PRKCZ: variants seen among roughly 807,000 people sequenced by gnomAD.
PRKCZ encodes protein kinase C zeta type.
PRKCZ carries 33 observed loss-of-function variants against 79.5 expected under a neutral mutation model. That is an observed-to-expected ratio of 0.41 (90% CI 0.31 to 0.55). The LOEUF (loss-of-function observed/expected upper bound fraction) is 0.55, where lower values mean the gene tolerates loss of function less well. PRKCZ is among the 20% of genes least tolerant of loss of function. PRKCZ has a pLI of 0.19. For synonymous variants in PRKCZ, 342 were observed against 320.9 expected (o/e 1.07, Z -0.70); for missense variants, 578 against 813.5 (o/e 0.71, Z 3.52).
intron 6 of PRKCZ, chr1:2,144,814 C>T (rs544271058): frequency 4.4e-4 from 94 of 211,840 alleles, no homozygotes; most frequent in African/African-American, 2.1e-3. Flanking sequence ...AGTGCTTGGA[C>T]TTGAAGCATC....
At chr1:2,099,193 C>T (rs192653946) in intron 4 of PRKCZ, among the ~76,000 whole-genome samples, 93 of 152,276 alleles carry the variant, frequency 6.1e-4, no homozygotes, top group Non-Finnish European at 7.3e-4. Flanking sequence ...TCCAGGGCCA[C>T]GGACACCCCC....
At chr1:2,107,481 A>G (rs956087202) in intron 4 of PRKCZ, among the ~76,000 whole-genome samples, 3 of 152,124 alleles carry the variant, frequency 2.0e-5, no homozygotes, top group African/African-American at 7.2e-5. Context: ...TCAACTACAG[A>G]TGGAGCTGCG....
chr1:2,127,695 G>A lies in PRKCZ; in HGVS notation c.335-7567G>A, dbSNP rs1212180044. Among the ~76,000 whole-genome samples, 2 of 152,244 alleles carry A rather than the reference G, an allele frequency of 1.3e-5. No individual in the cohort carries two copies. Among genetic ancestry groups the A allele is most frequent in the South Asian group, 2.1e-4 (1 of 4,832 alleles). ...GGCAAATAGGCGAACGGCGTCTCCC[G>A]CGGCTCCCGGTGGCTTTTTAGGACT... is the stretch of plus-strand genomic sequence containing the variant. On this transcript the variant is annotated intron_variant, in intron 4 of 17. Transcript: ENST00000378567. The surrounding 1 kb of genome is among the most constrained non-coding windows in gnomAD (Gnocchi z 5.1).
chr1:2,089,490 C>T (rs966776499), intron 4 of PRKCZ, among the ~76,000 whole-genome samples: 1 of 152,168 alleles, frequency 6.6e-6, no homozygotes, highest in Non-Finnish European at 1.5e-5. Flanking sequence ...CGGGGAAGTC[C>T]AGGCAAGGTA....
In PRKCZ at chr1:2,181,615, C is replaced by T. The variant is rs190183331; in HGVS notation, c.1576-2968C>T. 1.3e-3 allele frequency among the ~76,000 whole-genome samples: 198 copies of T among 152,230 alleles called. 2 individuals carry two copies. Among genetic ancestry groups the T allele is most frequent in the South Asian group, 5.6e-3 (27 of 4,826 alleles). On this transcript the variant is annotated intron_variant, in intron 16 of 17. Transcript: ENST00000378567. The stretch of plus-strand genomic sequence containing the variant: ...GCTTTTGAGCAAGAGGAGGAGGTAA[C>T]GCTGGCCCCTGGGGATGCTGTCAGG...
At chr1:2,116,515 C>T (rs991762252) in intron 4 of PRKCZ, among the ~76,000 whole-genome samples, 4 of 152,098 alleles carry the variant, frequency 2.6e-5, no homozygotes, top group Admixed American at 2.0e-4. Flanking sequence ...TCTGTCACTC[C>T]GCGGCTCGCC....
intron 1 of PRKCZ, among the ~76,000 whole-genome samples, chr1:2,052,890 T>A (rs1277242639): frequency 1.3e-5 from 2 of 152,142 alleles, no homozygotes; most frequent in Non-Finnish European, 2.9e-5. Context: ...CCATGGGGCA[T>A]GGCCACCCCG....
chr1:2,121,667 C>T (rs563678151), intron 4 of PRKCZ, among the ~76,000 whole-genome samples: 1 of 109,672 alleles, frequency 9.1e-6, no homozygotes, highest in Non-Finnish European at 1.8e-5. Flanking sequence ...TGGTTAGGGT[C>T]GTGGTGGTGG....
intron 4 of PRKCZ, among the ~76,000 whole-genome samples, chr1:2,084,338 C>T (rs999319547): frequency 6.6e-6 from 1 of 152,224 alleles, no homozygotes; most frequent in African/African-American, 2.4e-5. Flanking sequence ...ATTCCCCCCA[C>T]GCTCATGAGG....
chr1:2,083,418 T>C (rs1663941508), intron 4 of PRKCZ, among the ~76,000 whole-genome samples: 2 of 152,246 alleles, frequency 1.3e-5, no homozygotes, highest in East Asian at 1.9e-4. Context: ...GTACTGAAAA[T>C]TTAGAACGAG....
chr1:2,147,418 A>G (rs1468293259), intron 7 of PRKCZ, among the ~76,000 whole-genome samples: 2 of 141,322 alleles, frequency 1.4e-5, no homozygotes, highest in South Asian at 2.2e-4. Flanking sequence ...CCTTCCATCT[A>G]TCTGTTGTCC....
intron 16 of PRKCZ, among the ~76,000 whole-genome samples, chr1:2,180,054 T>C (rs1686251557): frequency 6.6e-6 from 1 of 152,014 alleles, no homozygotes; most frequent in Non-Finnish European, 1.5e-5. Context: ...TGTGACCTCA[T>C]GGAGAGGGAC....
In PRKCZ at chr1:2,169,520, T is replaced by C; in HGVS notation, c.977T>C (p.Leu326Ser). 6.5e-7 allele frequency: 1 copy of C among 1,547,610 alleles called. No homozygotes were observed. Among genetic ancestry groups the C allele is most frequent in the Non-Finnish European group, 8.7e-7 (1 of 1,144,606 alleles). Residue 326 changes from leucine to serine, a missense_variant and splice_region_variant, in exon 11 of 18, where the codon TTG becomes TCG. Transcript: ENST00000378567. ...LHSCFQTTSR[L>S]FLVIEYVNGG... is the part of the protein sequence containing the mutation. ...CTCCGGCGCCTCTCTCCCTGCAGGT[T>C]GTTCCTGGTCATTGAGTACGTCAAC...
intron 4 of PRKCZ, among the ~76,000 whole-genome samples, chr1:2,119,599 G>C (rs532631757): frequency 6.6e-6 from 1 of 152,114 alleles, no homozygotes; most frequent in East Asian, 1.9e-4. Context: ...TAAATTCTAC[G>C]TGTATTTCAG....
chr1:2,143,487 T>G (rs1042886015), intron 5 of PRKCZ: 1 of 152,238 alleles, frequency 6.6e-6, no homozygotes, highest in African/African-American at 2.4e-5. Flanking sequence ...GATGCACCCC[T>G]TTACTCCCAG....
chr1:2,087,846 C>G (rs930816452), intron 4 of PRKCZ, among the ~76,000 whole-genome samples: 1 of 152,216 alleles, frequency 6.6e-6, no homozygotes, highest in African/African-American at 2.4e-5. Flanking sequence ...GGACCAGCGT[C>G]TGGCCTGTCC....
Position 2,055,427 on chromosome 1 carries a change from C to T in PRKCZ, c.72-14C>T, listed in dbSNP as rs781328601. On this transcript the variant is annotated splice_polypyrimidine_tract_variant and intron_variant, in intron 1 of 17. Transcript: ENST00000378567. ...GCCCCACGGTAACAGATGCCCATGT[C>T]CCCTCTGCCCCAGGGACATCTTCAT... 1.3e-6 allele frequency: 2 copies of T among 1,596,860 alleles called. No homozygotes were observed. Among genetic ancestry groups the T allele is most frequent in the African/African-American group, 1.3e-5 (1 of 74,430 alleles).
At position 2,128,926 on chromosome 1, in the gene PRKCZ, G is replaced by A. The variant is rs149625555; in HGVS notation, c.335-6336G>A. ...CTGGGGGCCAGGGGCCGTTTCCAGA[G>A]CACACTCCCCAGAAGGGCTCCCTTC... On this transcript the variant is annotated intron_variant, in intron 4 of 17. Transcript: ENST00000378567. This position sits in a 1 kb window ranked among gnomAD's most constrained non-coding sequence, Gnocchi z 6.5. 6.6e-6 allele frequency among the ~76,000 whole-genome samples: 1 copy of A among 152,260 alleles called. No homozygotes were observed. Among genetic ancestry groups the A allele is most frequent in the East Asian group, 1.9e-4 (1 of 5,174 alleles).
intron 11 of PRKCZ, among the ~76,000 whole-genome samples, chr1:2,170,309 T>A (rs940450221): frequency 2.0e-5 from 3 of 152,206 alleles, no homozygotes; most frequent in Non-Finnish European, 4.4e-5. Context: ...CAGGACCGTT[T>A]GGGGGCTTAT....
Sources: gnomAD v4.1 joint callset for allele counts (sites outside exome capture counted in the v4.1 genomes callset) on GRCh38, gnomAD v4.1.1 for gene constraint, Gnocchi (gnomAD v3.1) non-coding constraint, MANE v1.5 for transcripts, NCBI Gene and HGNC (gene_info 2026-07-23, HGNC 2026-07-21) for gene names.